The following ZNF3 variants were observed in gnomAD, a reference collection of about 807,000 sequenced individuals.
ZNF3 encodes C2-H2 type zinc finger protein.
In ZNF3, 16 loss-of-function variants were observed where a neutral mutation model predicts 36.9. The observed-to-expected ratio is 0.43, with a 90% CI of 0.29 to 0.66. The LOEUF (loss-of-function observed/expected upper bound fraction) is 0.66, where lower values mean the gene tolerates loss of function less well. ZNF3 is among the 30% of genes least tolerant of loss of function. The pLI is 0.13. For synonymous variants in ZNF3, 201 were observed against 201.9 expected (o/e 1.00, Z 0.04); for missense variants, 462 against 543.1 (o/e 0.85, Z 1.48).
chr7:100,077,212 AGTAG>A, intron 3 of ZNF3, 87 bp downstream of exon 3: 1 of 1,498,354 alleles, frequency 6.7e-7, no homozygotes, highest in Non-Finnish European at 9.3e-7. Flanking sequence ...TCTGGATTCT[AGTAG>A]TTAGCCTAGT....
chr7:100,071,393 C>G lies in ZNF3; in HGVS notation c.1091G>C (p.Gly364Ala). The change falls in exon 6 of 6, where the codon GGA becomes GCA. Residue 364 changes from glycine to alanine, a missense_variant. Gly to Ala is a moderately conservative substitution (Grantham distance 60). Coordinates refer to ENST00000299667, the MANE Select transcript of ZNF3 (RefSeq NM_032924.5). ...HLYQHQRIHTGEKPYECMECG... is the reference protein window; with the variant it reads ...HLYQHQRIHTAEKPYECMECG... ...TTCCATACATTCGTAGGGCTTCTCT[C>G]CAGTGTGGATTCTCTGGTGCTGATA... is the stretch of plus-strand genomic sequence containing the variant. 1 of 1,614,204 alleles carries G rather than the reference C, an allele frequency of 6.2e-7. No individual in the cohort carries two copies. The highest frequency in any genetic ancestry group is 8.5e-7 in the Non-Finnish European group (1 of 1,180,044).
downstream of ZNF3, among the ~76,000 whole-genome samples, chr7:100,065,465 A>C (rs1209960012): frequency 6.6e-6 from 1 of 151,764 alleles, no homozygotes; most frequent in Non-Finnish European, 1.5e-5. Context: ...CTAGATAATA[A>C]CTGCATACCA....
At chr7:100,067,020 G>C (rs1306403776), downstream of ZNF3, among the ~76,000 whole-genome samples, 1 of 151,934 alleles carries the variant, frequency 6.6e-6, no homozygotes, top group Non-Finnish European at 1.5e-5. Context: ...GGGTGACAGA[G>C]TGTCAAGATT....
chr7:100,079,921 T>C (rs1424152189), intron 1 of ZNF3, among the ~76,000 whole-genome samples: 1 of 152,100 alleles, frequency 6.6e-6, no homozygotes. Flanking sequence ...CAGGCTGGTC[T>C]CAATCTCCTG....
At chr7:100,064,157 C>T in exon 6 of ZNF3, 1 of 1,613,940 alleles carries the variant, frequency 6.2e-7, no homozygotes, top group African/African-American at 1.3e-5. Flanking sequence ...TCAAACCTCA[C>T]CCTCCACTAC....
chr7:100,075,650 C>A lies in ZNF3; in HGVS notation c.56-20G>T. 1 of 1,612,280 alleles carries A rather than the reference C, an allele frequency of 6.2e-7. No homozygotes were observed. The highest frequency in any genetic ancestry group is 8.5e-7 in the Non-Finnish European group (1 of 1,178,720). ...GAAGAGCTGAAGGGCAATAAAAGGG[C>A]CCAGGAATGAGTCCATCTGCTCTGT... On this transcript the variant is annotated intron_variant, in intron 3 of 5. Coordinates refer to ENST00000299667, the MANE Select transcript of ZNF3 (RefSeq NM_032924.5).
chr7:100,081,975 C>G (rs1430998781), upstream of ZNF3, among the ~76,000 whole-genome samples: 1 of 152,180 alleles, frequency 6.6e-6, no homozygotes, highest in East Asian at 1.9e-4. This position sits in a 1 kb window ranked among gnomAD's most constrained non-coding sequence, Gnocchi z 4.3. Context: ...AGCGGCCGAC[C>G]ACGGTCCTGG....
exon 6 of ZNF3, chr7:100,064,408 T>A (rs1207211079): frequency 6.3e-7 from 1 of 1,598,322 alleles, no homozygotes; most frequent in Non-Finnish European, 8.5e-7. Context: ...GGGCCTCAGC[T>A]CCCACCAGAG....
downstream of ZNF3, among the ~76,000 whole-genome samples, chr7:100,065,381 G>A (rs1005479264): frequency 1.3e-5 from 2 of 150,958 alleles, no homozygotes; most frequent in African/African-American, 4.9e-5. Flanking sequence ...CCAACATTGC[G>A]CCACTGCACT....
At chr7:100,069,548 T>C (rs1792826977), downstream of ZNF3, among the ~76,000 whole-genome samples, 1 of 71,068 alleles carries the variant, frequency 1.4e-5, no homozygotes, top group East Asian at 4.3e-4. Flanking sequence ...CTAGACTCTG[T>C]CTCAAAAAAA....
downstream of ZNF3, chr7:100,064,981 A>C: frequency 1.3e-6 from 2 of 1,586,590 alleles, no homozygotes; most frequent in Non-Finnish European, 1.7e-6. Flanking sequence ...ATTTGTAAAG[A>C]ATTGAGCCAC....
rs1793959368 is a variant in ZNF3 at position 100,075,589 on chromosome 7, G to A, written c.97C>T (p.Leu33=). 1 of 1,614,156 alleles carries A rather than the reference G, an allele frequency of 6.2e-7. No homozygotes were observed. The highest frequency in any genetic ancestry group is 1.3e-5 in the African/African-American group (1 of 75,048). ...KVPAFSDKDS[L]GDEMLAAALL... Reference sequence around the variant, plus strand: ...GCAGCCGCCAACATCTCATCCCCCAGGCTGTCCTTGTCGGAAAAGGCAGGA... The same window carrying A: ...GCAGCCGCCAACATCTCATCCCCCAAGCTGTCCTTGTCGGAAAAGGCAGGA... The change falls in exon 4 of 6, where the codon CTG becomes TTG. Residue 33 remains leucine (L), a synonymous_variant. Coordinates refer to ENST00000299667, the MANE Select transcript of ZNF3 (RefSeq NM_032924.5).
chr7:100,077,408 G>A lies in ZNF3; in HGVS notation c.-51C>T, dbSNP rs781728795. On this transcript the variant is annotated 5_prime_UTR_variant, in exon 3 of 6. Coordinates refer to ENST00000299667, the MANE Select transcript of ZNF3 (RefSeq NM_032924.5). ...CCTGGGTGCAGACTCAGCGGGAAGCGGGTTTTAAAAGAGAATGAGGAAGCA... is the reference window on the plus strand; with the variant it reads ...CCTGGGTGCAGACTCAGCGGGAAGCAGGTTTTAAAAGAGAATGAGGAAGCA... 54 of 1,612,878 alleles carry A rather than the reference G, an allele frequency of 3.3e-5. 1 individual carries two copies. Among genetic ancestry groups the A allele is most frequent in the East Asian group, 2.5e-4 (11 of 44,856 alleles).
chr7:100,082,549 G>A (rs1251152600), upstream of ZNF3: 1 of 151,938 alleles, frequency 6.6e-6, no homozygotes, highest in Non-Finnish European at 1.5e-5. Flanking sequence ...TCGCACCACT[G>A]TACTCCAGGC....
intron 1 of ZNF3, among the ~76,000 whole-genome samples, chr7:100,080,284 A>G (rs1226468755): frequency 6.6e-6 from 1 of 152,182 alleles, no homozygotes; most frequent in Non-Finnish European, 1.5e-5. Context: ...TGATTCGCTG[A>G]AAATCTATCT....
downstream of ZNF3, among the ~76,000 whole-genome samples, chr7:100,069,738 T>C (rs958610950): frequency 2.0e-5 from 3 of 151,984 alleles, no homozygotes; most frequent in African/African-American, 7.2e-5. Context: ...CTCAGCCTCC[T>C]GAGTAGCTAG....
exon 6 of ZNF3, chr7:100,064,788 T>C (rs779717016): frequency 2.5e-6 from 4 of 1,614,112 alleles, no homozygotes; most frequent in Admixed American, 3.3e-5. Flanking sequence ...CAGGAGGTCC[T>C]CAGAAGGTGT....
Position 100,071,110 on chromosome 7 carries a change from A to T in ZNF3, c.*33T>A. The T allele has an allele frequency of 6.5e-7, 1 of 1,545,946 alleles. No individual in the cohort carries two copies. The highest frequency in any genetic ancestry group is 1.3e-5 in the South Asian group (1 of 78,844). On this transcript the variant is annotated 3_prime_UTR_variant, in exon 6 of 6. Transcript: ENST00000299667. ...GGTAAGGCAAGAGCTCTTGAGACTC[A>T]GGGAAAGTGAGGAAAATGGGTGTGT...
In ZNF3 at chr7:100,071,625, T is replaced by G. The variant is rs1793167650; in HGVS notation, c.859A>C (p.Asn287His). 6.2e-7 allele frequency: 1 copy of G among 1,614,042 alleles called. No individual in the cohort carries two copies. Among genetic ancestry groups the G allele is most frequent in the Non-Finnish European group, 8.5e-7 (1 of 1,179,954 alleles). ...CAGCTGAAGGTCTTCCCACACTCAT[T>G]ACATTCATAGGGTTTCTCCCCCGTG... ...IHTGEKPYEC[N>H]ECGKTFSWSS... Residue 287 changes from asparagine to histidine, a missense_variant, in exon 6 of 6, where the codon AAT (asparagine) becomes CAT (histidine). Coordinates refer to ENST00000299667, the MANE Select transcript of ZNF3 (RefSeq NM_032924.5).
Sources: gnomAD v4.1 joint callset for allele counts (sites outside exome capture counted in the v4.1 genomes callset) on GRCh38, gnomAD v4.1.1 for gene constraint, Gnocchi (gnomAD v3.1) non-coding constraint, MANE v1.5 for transcripts, NCBI Gene and HGNC (gene_info 2026-07-23, HGNC 2026-07-21) for gene names.